The following AOPEP variants were observed in gnomAD, a reference collection of about 807,000 sequenced individuals.
AOPEP encodes aminopeptidase O (putative), also known as aminopeptidase O.
In AOPEP, 77 loss-of-function variants were observed where a neutral mutation model predicts 98.1. That is an observed-to-expected ratio of 0.78 (90% CI 0.65 to 0.95). The LOEUF (loss-of-function observed/expected upper bound fraction) is 0.95. AOPEP is among the 40% of genes least tolerant of loss of function. The pLI is 0.00. For synonymous variants in AOPEP, 346 were observed against 365.3 expected (o/e 0.95, Z 0.60); for missense variants, 1,024 against 1,024.7 (o/e 1.00, Z 0.01).
intron 13 of AOPEP, among the ~76,000 whole-genome samples, chr9:95,050,580 C>T (rs1172915263): frequency 6.6e-6 from 1 of 152,118 alleles, no homozygotes; most frequent in Non-Finnish European, 1.5e-5. Flanking sequence ...AAACAACTTC[C>T]ATTATTTTTC....
intron 8 of AOPEP, 126 bp downstream of exon 8, chr9:94,955,405 A>G (rs1290108772): frequency 6.4e-6 from 4 of 624,414 alleles, no homozygotes; most frequent in Non-Finnish European, 1.1e-5. Flanking sequence ...GACTGGCCAG[A>G]TATCTGAGCG....
At chr9:94,750,069 A>G (rs1835340949) in intron 1 of AOPEP, among the ~76,000 whole-genome samples, 1 of 152,240 alleles carries the variant, frequency 6.6e-6, no homozygotes, top group Admixed American at 6.5e-5. Flanking sequence ...TGTGGAGAGC[A>G]ATCAAAATCT....
At chr9:95,018,701 T>C (rs1030789293) in intron 13 of AOPEP, among the ~76,000 whole-genome samples, 6 of 152,222 alleles carry the variant, frequency 3.9e-5, no homozygotes, top group Non-Finnish European at 5.9e-5. Flanking sequence ...ATGCTAGTGT[T>C]GTGGAGAGGT....
intron 5 of AOPEP, among the ~76,000 whole-genome samples, chr9:94,835,581 A>G (rs886993755): frequency 6.6e-6 from 1 of 152,228 alleles, no homozygotes; most frequent in Non-Finnish European, 1.5e-5. Context: ...TTAAATTAGT[A>G]CAAGGGTGCA....
At chr9:95,052,412 T>C (rs1236241199) in intron 13 of AOPEP, among the ~76,000 whole-genome samples, 1 of 152,226 alleles carries the variant, frequency 6.6e-6, no homozygotes, top group Non-Finnish European at 1.5e-5. Flanking sequence ...TACATAAAAT[T>C]CTGAAGATAG....
At position 94,749,607 on chromosome 9, in the gene AOPEP, C is replaced by CT. The variant is rs1286811810; in HGVS notation, c.-135-10041dup. 5.3e-5 allele frequency among the ~76,000 whole-genome samples: 8 copies of CT among 152,278 alleles called. No homozygotes were observed. The East Asian group carries it at 1.5e-3, about 29-fold the overall frequency. On this transcript the variant is annotated intron_variant, in intron 1 of 16. Coordinates refer to ENST00000375315, the MANE Select transcript of AOPEP (RefSeq NM_001193329.3). ...TTTACACTGGATAATTTCTATGTAA[C>CT]TATTTTCTGGTTCACTGTCTTCTAT... is the stretch of plus-strand genomic sequence containing the variant.
intron 1 of AOPEP, among the ~76,000 whole-genome samples, chr9:94,753,870 C>G (rs147351298): frequency 6.6e-6 from 1 of 152,274 alleles, no homozygotes; most frequent in East Asian, 1.9e-4. Context: ...CAGGATACAC[C>G]TGTGCCTCTT....
intron 7 of AOPEP, among the ~76,000 whole-genome samples, chr9:94,929,982 G>A (rs1238898440): frequency 6.6e-6 from 1 of 152,216 alleles, no homozygotes; most frequent in African/African-American, 2.4e-5. Context: ...AAGAGAGGCA[G>A]GCAGGAGCCA....
At chr9:95,110,273 T>A in the AOPEP span, 14 of 1,011,318 alleles carry the variant, frequency 1.4e-5, no homozygotes, top group African/African-American at 2.4e-4. Context: ...AAAGTGATTC[T>A]CTGTCAGTAA....
chr9:94,874,164 CA>C (rs1401597925), intron 5 of AOPEP, among the ~76,000 whole-genome samples: 46 of 151,980 alleles, frequency 3.0e-4, no homozygotes, highest in Non-Finnish European at 6.3e-4. Context: ...ATAAATTTTT[CA>C]AAAAGCATTA....
chr9:94,752,346 G>GTC (rs917094304), intron 1 of AOPEP, among the ~76,000 whole-genome samples: 21 of 145,300 alleles, frequency 1.4e-4, no homozygotes, highest in Admixed American at 5.6e-4. Context: ...AGACACACAA[G>GTC]TCTCTCTCTC....
At chr9:95,002,835 C>A (rs1431934880) in intron 11 of AOPEP, among the ~76,000 whole-genome samples, 1 of 152,194 alleles carries the variant, frequency 6.6e-6, no homozygotes. Flanking sequence ...ACGTACCATT[C>A]TGGCTTCTCT....
chr9:94,928,737 T>C, intron 7 of AOPEP: 2 of 513,068 alleles, frequency 3.9e-6, no homozygotes, highest in South Asian at 4.8e-5. Context: ...GGTGACTGTT[T>C]AGGAAAAAAC....
At chr9:95,114,907 A>G in the AOPEP span, among the ~76,000 whole-genome samples, 1 of 152,134 alleles carries the variant, frequency 6.6e-6, no homozygotes, top group Non-Finnish European at 1.5e-5. Context: ...TCCATGTCAC[A>G]CAGAGTTGAA....
chr9:95,122,663 C>T, the AOPEP span, among the ~76,000 whole-genome samples: 1 of 152,134 alleles, frequency 6.6e-6, no homozygotes, highest in South Asian at 2.1e-4. Flanking sequence ...TCCATAGTGC[C>T]CACGGCCAAC....
At chr9:94,758,526 TGAG>T (rs1480260974) in intron 1 of AOPEP, among the ~76,000 whole-genome samples, 3 of 152,112 alleles carry the variant, frequency 2.0e-5, no homozygotes, top group Non-Finnish European at 4.4e-5. Flanking sequence ...GGCAGGGAAG[TGAG>T]GAGGAGTTAG....
intron 13 of AOPEP, among the ~76,000 whole-genome samples, chr9:95,016,245 A>ATT (rs532120566): frequency 0.019 from 2,344 of 123,600 alleles, 98 homozygotes; most frequent in Middle Eastern, 0.058. Context: ...TTCTCTTGTG[A>ATT]TTTTTTTTTT....
At chr9:94,758,943 G>C (rs1248169859) in intron 1 of AOPEP, among the ~76,000 whole-genome samples, 1 of 150,688 alleles carries the variant, frequency 6.6e-6, no homozygotes, top group Admixed American at 6.6e-5. Flanking sequence ...CAAGTGAGAA[G>C]ACCTTTTGTT....
At chr9:94,740,346 T>C (rs971609727) in intron 1 of AOPEP, among the ~76,000 whole-genome samples, 12 of 152,106 alleles carry the variant, frequency 7.9e-5, no homozygotes, top group Non-Finnish European at 1.6e-4. Context: ...TTGGTTTGCC[T>C]ATGAAAGGCA....
Sources: allele counts gnomAD v4.1 joint callset (sites outside exome capture counted in the v4.1 genomes callset), GRCh38; gene constraint gnomAD v4.1.1; transcripts MANE v1.5; gene names NCBI Gene and HGNC (gene_info 2026-07-23, HGNC 2026-07-21).